Variants in TBC1D5 observed in about 807,000 individuals in gnomAD.
TBC1D5 encodes TBC1 domain family, member 5.
Under a neutral mutation model 100.3 loss-of-function variants are expected in TBC1D5, and 75 were observed. The observed-to-expected ratio is 0.75, with a 90% CI of 0.62 to 0.91. The LOEUF (loss-of-function observed/expected upper bound fraction) is 0.91, where lower values mean the gene tolerates loss of function less well. TBC1D5 is among the 40% of genes least tolerant of loss of function. TBC1D5 has a pLI of 0.00. For missense variants in TBC1D5, 910 were observed against 942.4 expected (o/e 0.97, Z 0.45); for synonymous variants, 323 against 325.6 (o/e 0.99, Z 0.09).
At chr3:17,314,785 T>C (rs1224535425) in intron 13 of TBC1D5, among the ~76,000 whole-genome samples, 2 of 152,300 alleles carry the variant, frequency 1.3e-5, no homozygotes, top group South Asian at 2.1e-4. Context: ...AAATCTACCA[T>C]GCATTCATGT....
chr3:17,499,939 G>A (rs1313055030), intron 3 of TBC1D5, among the ~76,000 whole-genome samples: 1 of 149,294 alleles, frequency 6.7e-6, no homozygotes, highest in South Asian at 2.1e-4. Context: ...AGGAATACTA[G>A]AAAGGATGGT....
intron 1 of TBC1D5, among the ~76,000 whole-genome samples, chr3:17,738,488 C>A (rs1231392309): frequency 1.3e-5 from 2 of 152,156 alleles, no homozygotes; most frequent in African/African-American, 4.8e-5. Flanking sequence ...GACTAAGTAG[C>A]TGACCAGCAT....
chr3:17,513,579 C>A (rs1322262264), intron 2 of TBC1D5, among the ~76,000 whole-genome samples: 1 of 152,144 alleles, frequency 6.6e-6, no homozygotes, highest in Non-Finnish European at 1.5e-5. Context: ...TGAACTGTGT[C>A]ATTCTAAAAA....
At chr3:17,273,029 T>C (rs2079589399) in intron 15 of TBC1D5, among the ~76,000 whole-genome samples, 2 of 152,200 alleles carry the variant, frequency 1.3e-5, no homozygotes, top group South Asian at 4.1e-4. Flanking sequence ...GCTTGACTTT[T>C]ATTTTTTTAT....
At chr3:17,259,266 A>AT (rs2078043064) in intron 15 of TBC1D5, among the ~76,000 whole-genome samples, 1 of 152,240 alleles carries the variant, frequency 6.6e-6, no homozygotes, top group South Asian at 2.1e-4. Context: ...ATGCAACATT[A>AT]TTTATAAACA....
intron 13 of TBC1D5, among the ~76,000 whole-genome samples, chr3:17,365,638 C>T (rs1230081923): frequency 6.6e-6 from 1 of 152,120 alleles, no homozygotes; most frequent in African/African-American, 2.4e-5. Context: ...GGCTGTGGAC[C>T]TTAGGCTCTC....
At chr3:17,253,511 T>C (rs2077351925) in intron 16 of TBC1D5, among the ~76,000 whole-genome samples, 1 of 152,208 alleles carries the variant, frequency 6.6e-6, no homozygotes, top group East Asian at 1.9e-4. Flanking sequence ...ATATATAATA[T>C]ACAGATCTTA....
intron 3 of TBC1D5, among the ~76,000 whole-genome samples, chr3:17,486,075 C>A (rs1486697738): frequency 2.0e-5 from 3 of 151,916 alleles, no homozygotes; most frequent in South Asian, 2.1e-4. Flanking sequence ...TTTTGATTTG[C>A]ATTTCTCTGA....
chr3:17,181,222 G>A (rs1176598322), intron 19 of TBC1D5, among the ~76,000 whole-genome samples: 1 of 152,154 alleles, frequency 6.6e-6, no homozygotes, highest in Non-Finnish European at 1.5e-5. Flanking sequence ...GCATCGTTTT[G>A]CATCATTTGA....
intron 3 of TBC1D5, among the ~76,000 whole-genome samples, chr3:17,438,264 A>G (rs1241266042): frequency 6.6e-6 from 1 of 152,208 alleles, no homozygotes; most frequent in Non-Finnish European, 1.5e-5. Flanking sequence ...ATATGTTGAT[A>G]AAGAGTATTT....
At chr3:17,693,391 T>A (rs1363309616) in intron 1 of TBC1D5, among the ~76,000 whole-genome samples, 5 of 152,172 alleles carry the variant, frequency 3.3e-5, no homozygotes, top group Non-Finnish European at 4.4e-5. Context: ...AAACTGCGCT[T>A]TGCTCAAGGT....
At chr3:17,713,040 C>T (rs1475465078) in intron 1 of TBC1D5, among the ~76,000 whole-genome samples, 2 of 152,130 alleles carry the variant, frequency 1.3e-5, no homozygotes, top group African/African-American at 4.8e-5. Context: ...ACTTAAACCT[C>T]TCTCTTTACT....
chr3:17,189,621 C>T (rs998076495), intron 18 of TBC1D5, among the ~76,000 whole-genome samples: 2 of 152,168 alleles, frequency 1.3e-5, no homozygotes, highest in African/African-American at 4.8e-5. Context: ...TCATTATCTC[C>T]GACATAAAAT....
At position 17,484,455 on chromosome 3, in the gene TBC1D5, G is replaced by GGTGTGTGTGTGTGT. The variant is rs34847216; in HGVS notation, c.97+24005_97+24018dup. 7.3e-3 allele frequency among the ~76,000 whole-genome samples: 815 copies of GGTGTGTGTGTGTGT among 111,514 alleles called. 51 individuals are homozygous for GGTGTGTGTGTGTGT. The highest frequency in any genetic ancestry group is 0.03 in the African/African-American group (745 of 24,968). 73.2% of individuals were successfully genotyped at this position (111,514 alleles called of 152,430 possible). Reference sequence around the variant, plus strand: ...TTTAAAGATAATAAGGTAACACCAGGGTGTGTGTGTGTGTGTGTGTGTGTG... The same window carrying GGTGTGTGTGTGTGT: ...TTTAAAGATAATAAGGTAACACCAGGGTGTGTGTGTGTGTGTGTGTGTGTGTGTGTGTGTGTGTG... On this transcript the variant is annotated intron_variant, in intron 3 of 21. Coordinates refer to ENST00000253692, the Ensembl canonical transcript of TBC1D5.
At chr3:17,698,436 A>C (rs1179913063) in intron 1 of TBC1D5, among the ~76,000 whole-genome samples, 2 of 152,032 alleles carry the variant, frequency 1.3e-5, no homozygotes, top group East Asian at 3.9e-4. Context: ...AAACCATAAA[A>C]ACCCTAGAAG....
chr3:17,541,954 A>G (rs2096362061), intron 2 of TBC1D5, among the ~76,000 whole-genome samples: 1 of 152,200 alleles, frequency 6.6e-6, no homozygotes, highest in Non-Finnish European at 1.5e-5. Flanking sequence ...TTTATAAATT[A>G]GGCAAGGTCA....
At chr3:17,514,393 C>A (rs889503239) in intron 2 of TBC1D5, among the ~76,000 whole-genome samples, 1 of 152,140 alleles carries the variant, frequency 6.6e-6, no homozygotes, top group African/African-American at 2.4e-5. Context: ...AACTTTAATT[C>A]ATTTTTAGCA....
chr3:17,289,282 C>T (rs1275816170), intron 15 of TBC1D5, among the ~76,000 whole-genome samples: 1 of 152,132 alleles, frequency 6.6e-6, no homozygotes, highest in Non-Finnish European at 1.5e-5. Flanking sequence ...GTGTGCAAAC[C>T]AGGCATGGTA....
At chr3:17,689,339 A>G (rs1390047018) in intron 1 of TBC1D5, among the ~76,000 whole-genome samples, 1 of 152,068 alleles carries the variant, frequency 6.6e-6, no homozygotes, top group Non-Finnish European at 1.5e-5. Context: ...CAGGAATTTG[A>G]GATCAGTGGA....
Sources: gnomAD v4.1 joint callset for allele counts (sites outside exome capture counted in the v4.1 genomes callset) on GRCh38, gnomAD v4.1.1 for gene constraint, MANE v1.5 for transcripts, NCBI Gene and HGNC (gene_info 2026-07-23, HGNC 2026-07-21) for gene names.